Variants in MAP4 observed in about 807,000 individuals in gnomAD.
The protein encoded by MAP4 is microtubule associated protein 4.
In MAP4, 76 loss-of-function variants were observed where a neutral mutation model predicts 170.2. The observed-to-expected ratio is 0.45, with a 90% CI of 0.37 to 0.54. The LOEUF is 0.54. MAP4 is among the 20% of genes least tolerant of loss of function. The pLI, the probability that MAP4 is intolerant of heterozygous loss-of-function variation, is 0.00. For synonymous variants in MAP4, 909 were observed against 994.5 expected (o/e 0.91, Z 1.62); for missense variants, 2,506 against 2,748.0 (o/e 0.91, Z 1.97).
rs2100030487 is a variant in MAP4, at chr3:47,902,318, T to C, written c.5434+632A>G. On this transcript the variant is annotated intron_variant, in intron 10 of 20. Transcript: ENST00000683076. ...GCAATGAGTATATAGTAAGGTTCAA[T>C]AAATGGTAGCTATTTTTAGTTGTGT... 1.3e-5 allele frequency among the ~76,000 whole-genome samples: 2 copies of C among 152,046 alleles called. 1 individual carries two copies. The highest frequency in any genetic ancestry group is 4.2e-4 in the South Asian group (2 of 4,816).
chr3:47,878,606 C>A (rs1349089325), intron 10 of MAP4, among the ~76,000 whole-genome samples: 1 of 152,142 alleles, frequency 6.6e-6, no homozygotes, highest in Non-Finnish European at 1.5e-5. Context: ...ATGCTGCGAT[C>A]TCGGCTCACT....
At chr3:47,875,555 TCCC>T (rs2095070194) in intron 12 of MAP4, 127 bp downstream of exon 12, 10 of 854,184 alleles carry the variant, frequency 1.2e-5, no homozygotes, top group Admixed American at 5.1e-5. Flanking sequence ...AATCACCCTC[TCCC>T]CCATTTCCCT....
intron 10 of MAP4, among the ~76,000 whole-genome samples, chr3:47,887,121 T>C (rs1025300055): frequency 7.2e-5 from 11 of 152,214 alleles, no homozygotes; most frequent in Non-Finnish European, 1.3e-4. Flanking sequence ...GAGGGGCCCT[T>C]TGGCCCGCCG....
chr3:47,889,311 C>T (rs1013322314), intron 10 of MAP4, among the ~76,000 whole-genome samples: 1 of 152,200 alleles, frequency 6.6e-6, no homozygotes, highest in Non-Finnish European at 1.5e-5. Context: ...ATATGAGTTC[C>T]CTTGCCTGGA....
chr3:48,035,832 C>T (rs1471627637), intron 1 of MAP4, among the ~76,000 whole-genome samples: 3 of 151,796 alleles, frequency 2.0e-5, no homozygotes, highest in African/African-American at 4.8e-5. Flanking sequence ...CCCAGCTACT[C>T]GGGAGGCTGA....
Position 47,910,033 on chromosome 3 carries a change from T to C in MAP4, c.4388A>G (p.Lys1463Arg), listed in dbSNP as rs371227427. 3 of 1,614,026 alleles carry C rather than the reference T, an allele frequency of 1.9e-6. No homozygotes were observed. In the South Asian group the frequency reaches 3.3e-5, roughly 18 times the overall value. The change falls in exon 9 of 21, where the codon AAA becomes AGA. Residue 1463 changes from lysine (K) to arginine (R), a missense_variant. By Grantham distance (26) the Lys-to-Arg change is conservative. Around this residue, in one of 3 missense-constraint regions of MAP4, gnomAD observed 2,008 missense variants for 2,206.0 expected, o/e 0.91. Transcript: ENST00000683076. ...EGDSFPDTLAKNGQEIAPAQI... is the reference protein window; with the variant it reads ...EGDSFPDTLARNGQEIAPAQI... ...GGCTGGGGCTATCTCTTGCCCATTTTTTGCCAAGGTATCTGGAAAGGAATC... is the reference window on the plus strand; with the variant it reads ...GGCTGGGGCTATCTCTTGCCCATTTCTTGCCAAGGTATCTGGAAAGGAATC...
intron 1 of MAP4, among the ~76,000 whole-genome samples, chr3:48,050,568 T>A (rs113262951): frequency 6.8e-4 from 103 of 151,802 alleles, no homozygotes; most frequent in Admixed American, 1.4e-3. Flanking sequence ...CTGTATTATC[T>A]GATTTTCTTA....
chr3:47,877,502 C>T lies in MAP4; in HGVS notation c.5456G>A (p.Gly1819Glu), dbSNP rs138150160. 81 of 1,613,508 alleles carry T rather than the reference C, an allele frequency of 5.0e-5. No individual in the cohort carries two copies. Among genetic ancestry groups the T allele is most frequent in the Non-Finnish European group, 5.8e-5 (69 of 1,179,582 alleles). Residue 1819 changes from glycine to glutamate, a missense_variant, in exon 11 of 21, where the codon GGA becomes GAA. By Grantham distance (98) the Gly-to-Glu change is moderately conservative (BLOSUM62 -2). Transcript: ENST00000683076. ...TCCTGTCCCACTCACCACAGGCCTT[C>T]CTTCTTCTGGCCTGGCTATTCCTAA... Reference protein sequence around the residue: ...SVYGIARPEEGRPVVSGTGND... With the variant: ...SVYGIARPEEERPVVSGTGND...
At chr3:48,075,974 CAAAA>C (rs60556044) in intron 1 of MAP4, among the ~76,000 whole-genome samples, 1 of 47,554 alleles carries the variant, frequency 2.1e-5, no homozygotes, top group Non-Finnish European at 4.3e-5. Context: ...AACTCCATCT[CAAAA>C]AAAAAAAAAA....
chr3:48,019,492 G>T (rs73087180), upstream of MAP4, among the ~76,000 whole-genome samples: 751 of 152,242 alleles, frequency 4.9e-3, 3 homozygotes, highest in Non-Finnish European at 7.9e-3. Context: ...AGCATATCAT[G>T]TAACTTTAGG....
At chr3:48,031,618 G>A (rs753248977) in intron 1 of MAP4, among the ~76,000 whole-genome samples, 2 of 152,096 alleles carry the variant, frequency 1.3e-5, no homozygotes, top group South Asian at 2.1e-4. Context: ...CCAACTACCC[G>A]GGAGGCTGAG....
At chr3:47,882,728 C>T (rs2096954321) in intron 10 of MAP4, among the ~76,000 whole-genome samples, 1 of 152,042 alleles carries the variant, frequency 6.6e-6, no homozygotes, top group Non-Finnish European at 1.5e-5. Context: ...ATGCACACCG[C>T]CACACCCAGC....
At chr3:48,086,070 G>GTGTGTGTATATGTATGTA (rs2100148836) in intron 1 of MAP4, among the ~76,000 whole-genome samples, 2 of 150,840 alleles carry the variant, frequency 1.3e-5, no homozygotes, top group African/African-American at 4.9e-5. Flanking sequence ...ATATATATAT[G>GTGTGTGTATATGTATGTA]TGTGTGTATA....
chr3:48,080,086 ATAAC>A (rs1324569855), intron 1 of MAP4, among the ~76,000 whole-genome samples: 1 of 152,242 alleles, frequency 6.6e-6, no homozygotes, highest in Non-Finnish European at 1.5e-5. Context: ...GTGGGACAAA[ATAAC>A]TGTCATTGAA....
chr3:47,911,069 CCTCA>C lies in MAP4; in HGVS notation c.3348_3351del (p.Ser1116ArgfsTer5). ...TGCTTTGAAGAATTCAGCCCCAGCT[CCTCA>C]CTCTTATCCTGAGTAGTCATTCCTT... On this transcript the variant is annotated frameshift_variant, in exon 9 of 21. Coordinates refer to ENST00000683076, the MANE Select transcript of MAP4 (RefSeq NM_001385682.1). LOFTEE classifies it high-confidence loss of function. This position sits in a 1 kb window ranked among gnomAD's most constrained non-coding sequence, Gnocchi z 4.0. The C allele has an allele frequency of 6.5e-7, 1 of 1,536,174 alleles. No individual in the cohort carries two copies. Among genetic ancestry groups the C allele is most frequent in the Non-Finnish European group, 8.7e-7 (1 of 1,146,912 alleles).
intron 2 of MAP4, among the ~76,000 whole-genome samples, chr3:47,992,325 C>T (rs1339523605): frequency 6.6e-6 from 1 of 152,168 alleles, no homozygotes; most frequent in East Asian, 1.9e-4. Context: ...TGTCTCCAAA[C>T]AGCCATCACC....
intron 1 of MAP4, among the ~76,000 whole-genome samples, chr3:48,081,287 C>CAA (rs113703746): frequency 6.7e-6 from 1 of 150,284 alleles, no homozygotes; most frequent in African/African-American, 2.4e-5. Context: ...GACTCCATCT[C>CAA]AAAAAAAATA....
chr3:47,912,110 T>G lies in MAP4; in HGVS notation c.2311A>C (p.Lys771Gln). The G allele has an allele frequency of 6.5e-7, 1 of 1,536,164 alleles. No homozygotes were observed. The highest frequency in any genetic ancestry group is 8.7e-7 in the Non-Finnish European group (1 of 1,146,910). Reference sequence around the variant, plus strand: ...CTCTTTTGCTTTGGTTTCTTCTTCTTTTTCTTCATCATTATTGGTGTGCTT... The same window carrying G: ...CTCTTTTGCTTTGGTTTCTTCTTCTGTTTCTTCATCATTATTGGTGTGCTT... ...IESTPIMMKKKKKKPKQKRYS... is the reference protein window; with the variant it reads ...IESTPIMMKKQKKKPKQKRYS... Residue 771 changes from lysine to glutamine, a missense_variant, in exon 9 of 21, where the codon AAG (lysine) becomes CAG (glutamine). By Grantham distance (53) the Lys-to-Gln change is moderately conservative (BLOSUM62 1). This residue lies in a region of MAP4 where 2,008 missense variants were observed against 2,206.0 expected (regional missense o/e 0.91). Coordinates refer to ENST00000683076, the MANE Select transcript of MAP4 (RefSeq NM_001385682.1).
chr3:48,011,912 G>C (rs541671296), intron 1 of MAP4, among the ~76,000 whole-genome samples: 120 of 152,270 alleles, frequency 7.9e-4, no homozygotes, highest in Admixed American at 2.4e-3. Flanking sequence ...TTTTGATAGA[G>C]GCAAGAGGCA....
Sources: allele counts gnomAD v4.1 joint callset (sites outside exome capture counted in the v4.1 genomes callset), GRCh38; gene constraint gnomAD v4.1.1; regional missense constraint gnomAD v4.1.1; non-coding constraint Gnocchi (gnomAD v3.1); transcripts MANE v1.5; gene names NCBI Gene and HGNC (gene_info 2026-07-23, HGNC 2026-07-21).